The following CACNA1A variants were observed in gnomAD, a reference collection of about 807,000 sequenced individuals.
CACNA1A encodes the protein voltage-dependent P/Q-type calcium channel subunit alpha-1A.
In CACNA1A, 57 loss-of-function variants were observed where a neutral mutation model predicts 262.4. That is an observed-to-expected ratio of 0.22 (90% CI 0.18 to 0.27). The LOEUF is 0.27. CACNA1A is among the 10% of genes least tolerant of loss of function. The pLI is 1.00. For missense variants in CACNA1A, 2,526 were observed against 3,562.8 expected, an observed-to-expected ratio of 0.71 and a Z score of 7.41; for synonymous variants, 1,431 against 1,419.3, an observed-to-expected ratio of 1.01 and a Z score of -0.18.
intron 31 of CACNA1A, 27 bp from the exon 32 acceptor site, chr19:13,235,757 C>T (rs749125611): frequency 1.3e-6 from 2 of 1,511,964 alleles, no homozygotes; most frequent in Admixed American, 3.3e-5. Context: ...AGAGGGGTGA[C>T]CATCCACCCA....
At position 13,405,105 on chromosome 19, in the gene CACNA1A, A is replaced by G. The variant is rs1195457829; in HGVS notation, c.540-33326T>C. Among the ~76,000 whole-genome samples, 4 of 152,052 alleles carry G rather than the reference A, an allele frequency of 2.6e-5. No individual in the cohort carries two copies. The East Asian group carries it at 7.7e-4, about 29-fold the overall frequency. On this transcript the variant is annotated intron_variant, in intron 3 of 46. Coordinates refer to ENST00000360228, the MANE Select transcript of CACNA1A (RefSeq NM_001127222.2). ...TAGATGGGGTTTCACCATGTTGGCC[A>G]GGCTGGTCTCAAACTCCTGACCTCA...
At chr19:13,366,931 T>C (rs73501138) in intron 4 of CACNA1A, among the ~76,000 whole-genome samples, 4,417 of 152,214 alleles carry the variant, frequency 0.029, 209 homozygotes, top group African/African-American at 0.1. Flanking sequence ...AAAGTCACTC[T>C]CATTTTACAG....
At chr19:13,261,634 G>A in intron 25 of CACNA1A, 24 bp from the exon 26 acceptor site, 1 of 1,601,164 alleles carries the variant, frequency 6.2e-7, no homozygotes, top group South Asian at 1.1e-5. Flanking sequence ...TTGACAGAGA[G>A]CATGAGGGGC....
intron 22 of CACNA1A, among the ~76,000 whole-genome samples, chr19:13,278,120 C>G (rs1202484350): frequency 6.6e-6 from 1 of 151,430 alleles, no homozygotes; most frequent in Non-Finnish European, 1.5e-5. Context: ...CACCCAGAAG[C>G]TGCAAGGGCT....
In CACNA1A at chr19:13,453,028, G is replaced by A; in HGVS notation, c.400-13C>T. Reference sequence around the variant, plus strand: ...GTTCTGTGTCATCCTGGAAGGGAGAGAAGGCAAGGTCAGCGTCTTGGGCTG... The same window carrying A: ...GTTCTGTGTCATCCTGGAAGGGAGAAAAGGCAAGGTCAGCGTCTTGGGCTG... On this transcript the variant is annotated splice_polypyrimidine_tract_variant and intron_variant, in intron 2 of 46. Transcript: ENST00000360228. The A allele has an allele frequency of 6.2e-7, 1 of 1,613,844 alleles. No homozygotes were observed. The highest frequency in any genetic ancestry group is 8.5e-7 in the Non-Finnish European group (1 of 1,179,784).
chr19:13,246,229 G>A (rs1478446246), intron 30 of CACNA1A, among the ~76,000 whole-genome samples: 1 of 152,212 alleles, frequency 6.6e-6, no homozygotes, highest in Non-Finnish European at 1.5e-5. Flanking sequence ...GACAGTAACA[G>A]GGTGCAGAAC....
chr19:13,239,678 AACAG>A (rs1220326993), intron 31 of CACNA1A, among the ~76,000 whole-genome samples: 1 of 152,072 alleles, frequency 6.6e-6, no homozygotes, highest in Non-Finnish European at 1.5e-5. Context: ...GTTGAGATTT[AACAG>A]AACAAGGGGT....
At chr19:13,379,121 C>T (rs987141107) in intron 3 of CACNA1A, among the ~76,000 whole-genome samples, 18 of 152,020 alleles carry the variant, frequency 1.2e-4, no homozygotes, top group African/African-American at 4.3e-4. Context: ...GCTGGGACCA[C>T]AGGCATGCGT....
intron 12 of CACNA1A, among the ~76,000 whole-genome samples, chr19:13,309,266 C>A (rs932825036): frequency 4.0e-5 from 6 of 151,860 alleles, no homozygotes; most frequent in Non-Finnish European, 7.4e-5. Context: ...CCTCGGCCTC[C>A]CAAAGTGCTG....
At chr19:13,460,701 T>C (rs1176768202) in intron 1 of CACNA1A, among the ~76,000 whole-genome samples, 1 of 152,004 alleles carries the variant, frequency 6.6e-6, no homozygotes, top group Non-Finnish European at 1.5e-5. Flanking sequence ...CTCCCTTTTA[T>C]TCCCCAAACT....
intron 3 of CACNA1A, chr19:13,450,342 A>G (rs1188303101): frequency 6.6e-6 from 1 of 151,990 alleles, no homozygotes; most frequent in African/African-American, 2.4e-5. Flanking sequence ...ACTCTGTTCC[A>G]GCTCTCCTCA....
At chr19:13,287,171 G>A (rs547410707) in intron 19 of CACNA1A, among the ~76,000 whole-genome samples, 10 of 152,252 alleles carry the variant, frequency 6.6e-5, no homozygotes, top group South Asian at 6.2e-4. Context: ...GGGCAACATA[G>A]TGAGACCCTA....
intron 38 of CACNA1A, among the ~76,000 whole-genome samples, chr19:13,218,897 C>T (rs1338727916): frequency 1.3e-5 from 2 of 152,068 alleles, no homozygotes; most frequent in African/African-American, 2.4e-5. Context: ...GGCACCATGC[C>T]TAATTTTTGT....
intron 28 of CACNA1A, among the ~76,000 whole-genome samples, chr19:13,255,791 C>T (rs185604660): frequency 4.0e-5 from 5 of 124,124 alleles, no homozygotes; most frequent in African/African-American, 1.0e-4. Context: ...CTTCCTTCCT[C>T]CCTCCCTCCT....
At chr19:13,383,598 A>G (rs777761236) in intron 3 of CACNA1A, among the ~76,000 whole-genome samples, 13 of 152,142 alleles carry the variant, frequency 8.5e-5, no homozygotes, top group African/African-American at 1.2e-4. Flanking sequence ...CTGTTCTGCC[A>G]GCAGGAAAAG....
At chr19:13,343,570 CAT>C (rs2058711206) in intron 6 of CACNA1A, among the ~76,000 whole-genome samples, 1 of 152,102 alleles carries the variant, frequency 6.6e-6, no homozygotes, top group Non-Finnish European at 1.5e-5. Context: ...AGACAGACCA[CAT>C]GTTAGGCCAC....
chr19:13,344,445 G>A (rs1352089062), intron 6 of CACNA1A, among the ~76,000 whole-genome samples: 3 of 152,042 alleles, frequency 2.0e-5, no homozygotes, highest in Non-Finnish European at 4.4e-5. Context: ...TAGATCCATT[G>A]TGCCCCCATC....
intron 4 of CACNA1A, among the ~76,000 whole-genome samples, chr19:13,368,332 C>A (rs1217110820): frequency 6.7e-6 from 1 of 149,064 alleles, no homozygotes; most frequent in Non-Finnish European, 1.5e-5. Flanking sequence ...CTCTGCCTAT[C>A]ATTGGCTTTT....
intron 34 of CACNA1A, among the ~76,000 whole-genome samples, chr19:13,233,299 G>A (rs1222606913): frequency 2.6e-5 from 4 of 151,870 alleles, no homozygotes; most frequent in African/African-American, 4.8e-5. Context: ...ATAACCTGCC[G>A]GCCCTCTATT....
Sources: allele counts gnomAD v4.1 joint callset (sites outside exome capture counted in the v4.1 genomes callset), GRCh38; gene constraint gnomAD v4.1.1; transcripts MANE v1.5; gene names NCBI Gene and HGNC (gene_info 2026-07-23, HGNC 2026-07-21).